Variants in TTC28 observed in about 807,000 individuals in gnomAD.
TTC28 encodes tetratricopeptide repeat protein 28.
Under a neutral mutation model 198.0 loss-of-function variants are expected in TTC28, and 61 were observed. The ratio of observed to expected loss-of-function variants is 0.31; its 90% confidence interval spans 0.25 to 0.38. TTC28 has a LOEUF of 0.38. TTC28 is among the 10% of genes least tolerant of loss of function. TTC28 has a pLI of 1.00. For synonymous variants in TTC28, 1,171 were observed against 1,297.8 expected (o/e 0.90, Z 2.10); for missense variants, 2,678 against 3,164.0 (o/e 0.85, Z 3.69).
chr22:28,336,567 G>C (rs886833397), intron 2 of TTC28, among the ~76,000 whole-genome samples: 2 of 152,080 alleles, frequency 1.3e-5, no homozygotes, highest in East Asian at 1.9e-4. Context: ...TTAGTCTTGG[G>C]AGGGTGTATG....
At chr22:28,018,319 G>C (rs560927193) in intron 13 of TTC28, among the ~76,000 whole-genome samples, 1 of 129,988 alleles carries the variant, frequency 7.7e-6, no homozygotes, top group Non-Finnish European at 1.6e-5. Flanking sequence ...GGGGGGGGGC[G>C]GGGAACCTGT....
chr22:28,558,667 C>T (rs559869529), intron 2 of TTC28, among the ~76,000 whole-genome samples: 1 of 151,070 alleles, frequency 6.6e-6, no homozygotes, highest in Non-Finnish European at 1.5e-5. Flanking sequence ...AAGAGTGAAA[C>T]TCCATCTCAA....
intron 13 of TTC28, among the ~76,000 whole-genome samples, chr22:28,029,301 C>A (rs2146627901): frequency 6.6e-6 from 1 of 152,318 alleles, no homozygotes; most frequent in South Asian, 2.1e-4. Flanking sequence ...GTCACCCTGA[C>A]AGCACAATAA....
intron 6 of TTC28, among the ~76,000 whole-genome samples, chr22:28,114,713 G>A (rs1310147886): frequency 6.6e-6 from 1 of 151,762 alleles, no homozygotes; most frequent in Non-Finnish European, 1.5e-5. Context: ...CCATGTAGCT[G>A]GGACTATAGC....
chr22:28,539,164 G>A (rs996244245), intron 2 of TTC28, among the ~76,000 whole-genome samples: 3 of 152,144 alleles, frequency 2.0e-5, no homozygotes, highest in Non-Finnish European at 4.4e-5. Flanking sequence ...ACATCAGATT[G>A]TCCTAGTGGA....
In TTC28 at chr22:28,306,517, C is replaced by A. The variant is rs770613674; in HGVS notation, c.508G>T (p.Ala170Ser). 1.9e-5 allele frequency: 29 copies of A among 1,549,890 alleles called. No homozygotes were observed. In the African/African-American group the frequency reaches 3.6e-4, roughly 19 times the overall value. ...LQLLVGMVEAAMKSPMRDSLE... is the reference protein window; with the variant it reads ...LQLLVGMVEASMKSPMRDSLE... ...TTACCTCTCATGGGAGATTTCATGG[C>A]GGCTTCCACCATCCCCACCAGAAGC... The change falls in exon 3 of 23, where the codon GCC becomes TCC. Residue 170 changes from alanine to serine, a missense_variant. Physicochemically the swap from Ala to Ser is moderately conservative, Grantham distance 99. This residue lies in a region of TTC28 where 176 missense variants were observed against 197.9 expected (regional missense o/e 0.89). Transcript: ENST00000397906.
At chr22:28,104,925 T>C (rs530157771) in intron 8 of TTC28, among the ~76,000 whole-genome samples, 1 of 152,318 alleles carries the variant, frequency 6.6e-6, no homozygotes, top group Non-Finnish European at 1.5e-5. Context: ...TCTTACTTGA[T>C]TCATCTGTGC....
intron 12 of TTC28, among the ~76,000 whole-genome samples, chr22:28,087,505 C>T (rs1385241482): frequency 8.5e-5 from 13 of 152,184 alleles, no homozygotes; most frequent in Admixed American, 3.3e-4. Context: ...ATTGATGGGA[C>T]GTATCTCAAA....
intron 17 of TTC28, among the ~76,000 whole-genome samples, chr22:27,995,609 A>G (rs908762673): frequency 6.6e-6 from 1 of 152,166 alleles, no homozygotes; most frequent in African/African-American, 2.4e-5. Flanking sequence ...GCAGACTGGT[A>G]TCATCTGGTG....
intron 6 of TTC28, among the ~76,000 whole-genome samples, chr22:28,148,505 C>A (rs1342292038): frequency 1.3e-5 from 2 of 151,222 alleles, no homozygotes; most frequent in Admixed American, 1.3e-4. Context: ...CCCACCTACT[C>A]GGGAGGCTGA....
chr22:28,199,546 T>TAC (rs1925727754), intron 5 of TTC28, among the ~76,000 whole-genome samples: 4 of 147,922 alleles, frequency 2.7e-5, no homozygotes, highest in Admixed American at 2.0e-4. Context: ...TATATATATA[T>TAC]ATACACACAA....
At chr22:28,463,290 T>C (rs1231509633) in intron 2 of TTC28, among the ~76,000 whole-genome samples, 1 of 152,162 alleles carries the variant, frequency 6.6e-6, no homozygotes. Flanking sequence ...CCATATGAAT[T>C]TTAAAGTAGT....
At chr22:28,326,099 G>A (rs2045525278) in intron 2 of TTC28, among the ~76,000 whole-genome samples, 1 of 152,066 alleles carries the variant, frequency 6.6e-6, no homozygotes, top group South Asian at 2.1e-4. Context: ...TTCAATGGGT[G>A]AATGGATAGA....
chr22:28,632,481 T>G (rs1214185930), intron 1 of TTC28, among the ~76,000 whole-genome samples: 1 of 151,766 alleles, frequency 6.6e-6, no homozygotes, highest in African/African-American at 2.4e-5. Flanking sequence ...CACTTAAAGG[T>G]TTTTTAAAAA....
intron 2 of TTC28, among the ~76,000 whole-genome samples, chr22:28,575,726 T>A (rs2146038977): frequency 6.6e-6 from 1 of 152,304 alleles, no homozygotes; most frequent in South Asian, 2.1e-4. Flanking sequence ...ATCTTTCACT[T>A]CTTTGGTTAA....
chr22:28,442,661 GC>G (rs1194873974), intron 2 of TTC28, among the ~76,000 whole-genome samples: 1 of 152,226 alleles, frequency 6.6e-6, no homozygotes, highest in Non-Finnish European at 1.5e-5. Flanking sequence ...CACCCCTGGG[GC>G]TCCAGGCATA....
intron 2 of TTC28, among the ~76,000 whole-genome samples, chr22:28,337,139 G>C (rs1453534442): frequency 6.6e-6 from 1 of 152,174 alleles, no homozygotes; most frequent in Admixed American, 6.6e-5. Context: ...TTTCCATGTA[G>C]TTGCGCGGTT....
At chr22:28,577,928 G>A (rs1210833470) in intron 2 of TTC28, among the ~76,000 whole-genome samples, 3 of 152,004 alleles carry the variant, frequency 2.0e-5, no homozygotes, top group Non-Finnish European at 4.4e-5. Context: ...TCCACCCTAT[G>A]ACTTTTGATT....
intron 12 of TTC28, among the ~76,000 whole-genome samples, chr22:28,072,953 A>G (rs1410721720): frequency 1.3e-5 from 2 of 152,294 alleles, no homozygotes; most frequent in East Asian, 3.9e-4. Flanking sequence ...AAATGCCTTA[A>G]GTAGCAGAAA....
Sources: allele counts gnomAD v4.1 joint callset (sites outside exome capture counted in the v4.1 genomes callset), GRCh38; gene constraint gnomAD v4.1.1; regional missense constraint gnomAD v4.1.1; transcripts MANE v1.5; gene names NCBI Gene and HGNC (gene_info 2026-07-23, HGNC 2026-07-21).